ANO2: variants seen among roughly 807,000 people sequenced by gnomAD.
The protein encoded by ANO2 is anoctamin 2.
ANO2 carries 101 observed loss-of-function variants against 124.2 expected under a neutral mutation model. The observed-to-expected ratio is 0.81, with a 90% CI of 0.69 to 0.96. ANO2 has a LOEUF of 0.96. ANO2 is among the 40% of genes least tolerant of loss of function. The pLI is 0.00. For missense variants in ANO2, 1,293 were observed against 1,274.5 expected (o/e 1.01, Z -0.22); for synonymous variants, 486 against 482.5 (o/e 1.01, Z -0.09).
At chr12:5,655,038 A>G (rs1257983878) in intron 14 of ANO2, among the ~76,000 whole-genome samples, 5 of 152,000 alleles carry the variant, frequency 3.3e-5, no homozygotes, top group Non-Finnish European at 7.4e-5. Flanking sequence ...TCATTCTCCT[A>G]TACACCCATC....
chr12:5,761,995 G>C (rs1216504552), intron 10 of ANO2, among the ~76,000 whole-genome samples: 2 of 152,096 alleles, frequency 1.3e-5, no homozygotes, highest in Admixed American at 6.5e-5. Flanking sequence ...AAATTTTCAT[G>C]AGTAATCCAA....
At chr12:5,746,546 C>T (rs1389639143) in intron 11 of ANO2, among the ~76,000 whole-genome samples, 2 of 152,214 alleles carry the variant, frequency 1.3e-5, no homozygotes, top group Non-Finnish European at 2.9e-5. Flanking sequence ...CTAAGCTGTA[C>T]AATACACAGG....
At chr12:5,649,587 C>G (rs1192436710) in intron 14 of ANO2, among the ~76,000 whole-genome samples, 1 of 152,118 alleles carries the variant, frequency 6.6e-6, no homozygotes, top group Non-Finnish European at 1.5e-5. Context: ...CACTCACACA[C>G]TAAAGTTTTC....
At chr12:5,571,639 C>T (rs779475075) in intron 23 of ANO2, among the ~76,000 whole-genome samples, 1 of 152,154 alleles carries the variant, frequency 6.6e-6, no homozygotes, top group Non-Finnish European at 1.5e-5. Context: ...GAAGAGTTAT[C>T]TCTGTTTCTC....
rs1248730706 is a variant in ANO2, at chr12:5,635,268, GC to G, written c.1699del (p.Ala567LeufsTer8). The G allele has an allele frequency of 1.2e-6, 2 of 1,611,902 alleles. No individual in the cohort carries two copies. Among genetic ancestry groups the G allele is most frequent in the Non-Finnish European group, 1.7e-6 (2 of 1,179,494 alleles). ...TTAAALSLNK[A>X]TRSNVRVTVT... ...TGTCACCCGGACATTGGAGCGTGTAGCCTTATTGAGAGACAGAGCGGCTGCA... is the reference window on the plus strand; with the variant it reads ...TGTCACCCGGACATTGGAGCGTGTAGCTTATTGAGAGACAGAGCGGCTGCA... On this transcript the variant is annotated frameshift_variant, in exon 16 of 25. Coordinates refer to ENST00000682330, the MANE Select transcript of ANO2 (RefSeq NM_001364791.2). LOFTEE classifies it high-confidence loss of function. The surrounding 1 kb of genome is among the most constrained non-coding windows in gnomAD (Gnocchi z 5.2).
intron 3 of ANO2, among the ~76,000 whole-genome samples, chr12:5,915,193 G>A (rs113994480): frequency 4.0e-4 from 61 of 152,238 alleles, no homozygotes; most frequent in African/African-American, 1.2e-3. Context: ...CTCCAACGAC[G>A]TCTTTAAATG....
At chr12:5,596,255 A>AC (rs1316355035) in intron 20 of ANO2, among the ~76,000 whole-genome samples, 1 of 152,222 alleles carries the variant, frequency 6.6e-6, no homozygotes, top group Non-Finnish European at 1.5e-5. Flanking sequence ...AGGCAAGTGA[A>AC]CTATGGCATG....
chr12:5,638,237 C>CTTTTTTT lies in ANO2; in HGVS notation c.1621-2897_1621-2891dup, dbSNP rs35224024. The stretch of plus-strand genomic sequence containing the variant: ...ATCTTCACTAGCACTGTTTCTTTTC[C>CTTTTTTT]TTTTTTTTTTTTTTTTGAGACGGAG... On this transcript the variant is annotated intron_variant, in intron 15 of 24. Coordinates refer to ENST00000682330, the MANE Select transcript of ANO2 (RefSeq NM_001364791.2). Among the ~76,000 whole-genome samples the CTTTTTTT allele has an allele frequency of 5.2e-3, 652 of 124,816 alleles. 50 individuals are homozygous for CTTTTTTT. Among genetic ancestry groups the CTTTTTTT allele is most frequent in the African/African-American group, 0.011 (378 of 34,076 alleles). The allele number at this position is 124,816 out of a possible 152,430, so 81.9% of individuals were successfully genotyped here. A position where few individuals can be genotyped will look rare whatever the true frequency, so the allele number is the denominator to read the frequency against.
intron 19 of ANO2, among the ~76,000 whole-genome samples, chr12:5,607,877 T>C (rs1591721639): frequency 6.6e-6 from 1 of 152,158 alleles, no homozygotes; most frequent in African/African-American, 2.4e-5. Context: ...TTCTACATTA[T>C]GGTAAGTTGT....
intron 7 of ANO2, among the ~76,000 whole-genome samples, chr12:5,818,678 C>T (rs1953691534): frequency 6.6e-6 from 1 of 151,494 alleles, no homozygotes; most frequent in South Asian, 2.1e-4. Context: ...GCTAAGGACT[C>T]TACTTCTAAT....
chr12:5,788,196 C>G (rs970541185), intron 10 of ANO2, among the ~76,000 whole-genome samples: 1 of 152,212 alleles, frequency 6.6e-6, no homozygotes, highest in Non-Finnish European at 1.5e-5. Flanking sequence ...TAAACACAAT[C>G]CACAGCCCAG....
chr12:5,889,541 G>T (rs1939236959), intron 3 of ANO2, among the ~76,000 whole-genome samples: 1 of 152,250 alleles, frequency 6.6e-6, no homozygotes, highest in South Asian at 2.1e-4. Flanking sequence ...AGGAAATCAG[G>T]ACAACTCCAC....
chr12:5,626,896 T>A (rs1945438481), intron 16 of ANO2, among the ~76,000 whole-genome samples: 1 of 152,222 alleles, frequency 6.6e-6, no homozygotes, highest in Non-Finnish European at 1.5e-5. Flanking sequence ...CCTTCTCTTC[T>A]GGATGCTTTA....
intron 16 of ANO2, among the ~76,000 whole-genome samples, chr12:5,620,642 T>A (rs1945072426): frequency 6.6e-6 from 1 of 152,150 alleles, no homozygotes; most frequent in African/African-American, 2.4e-5. Context: ...ATTGGAATTC[T>A]ATAGGAGTTG....
rs114893296 is a variant in ANO2 at position 5,910,754 on chromosome 12, T to G, written c.534+10286A>C. Among the ~76,000 whole-genome samples the G allele has an allele frequency of 7.5e-3, 1,148 of 152,142 alleles. 14 individuals carry two copies. The highest frequency in any genetic ancestry group is 0.026 in the African/African-American group (1,084 of 41,492). On this transcript the variant is annotated intron_variant, in intron 3 of 24. Transcript: ENST00000682330. ...CAGGGGTAGCAGGGAGACTCTGTCT[T>G]CAGTGAAGGAGGACACTTAAGGCTG...
In ANO2 at chr12:5,756,221, T is replaced by C. The variant is rs374039111; in HGVS notation, c.1056-5251A>G. Among the ~76,000 whole-genome samples, 21 of 152,170 alleles carry C rather than the reference T, an allele frequency of 1.4e-4. No homozygotes were observed. In the East Asian group the frequency reaches 3.7e-3, roughly 27 times the overall value. ...TTCACTTTGGCTCTTTTTTATTATT[T>C]CTATATGTTTGTTGAACTTCTGATT... On this transcript the variant is annotated intron_variant, in intron 10 of 24. Coordinates refer to ENST00000682330, the MANE Select transcript of ANO2 (RefSeq NM_001364791.2).
At chr12:5,652,225 T>C (rs567553993) in intron 14 of ANO2, among the ~76,000 whole-genome samples, 9 of 152,200 alleles carry the variant, frequency 5.9e-5, no homozygotes, top group Non-Finnish European at 1.2e-4. Context: ...TAATAAGATA[T>C]GGTATTTCCT....
chr12:5,760,009 A>G (rs4930801), intron 10 of ANO2, among the ~76,000 whole-genome samples: 22,143 of 152,142 alleles, frequency 0.15, 2,020 homozygotes, highest in African/African-American at 0.26. Context: ...AACAATGACA[A>G]GTAAGAGATA....
intron 10 of ANO2, among the ~76,000 whole-genome samples, chr12:5,763,026 G>T (rs1951784267): frequency 6.6e-6 from 1 of 151,838 alleles, no homozygotes; most frequent in Non-Finnish European, 1.5e-5. Context: ...TGTCACTCTG[G>T]TTAAATGAAT....
Sources: allele counts gnomAD v4.1 joint callset (sites outside exome capture counted in the v4.1 genomes callset), GRCh38; gene constraint gnomAD v4.1.1; non-coding constraint Gnocchi (gnomAD v3.1); transcripts MANE v1.5; gene names NCBI Gene and HGNC (gene_info 2026-07-23, HGNC 2026-07-21).